The following SLC24A3 variants were observed in gnomAD, a reference collection of about 807,000 sequenced individuals.
SLC24A3 encodes the protein solute carrier family 24 member 3.
A neutral mutation model predicts 75.8 loss-of-function variants in SLC24A3; 28 were observed. The ratio of observed to expected loss-of-function variants is 0.37; its 90% CI spans 0.27 to 0.51. The LOEUF (loss-of-function observed/expected upper bound fraction) is 0.51, where lower values mean the gene tolerates loss of function less well. Among genes scored for constraint, SLC24A3 ranks in the 20% least tolerant of loss-of-function variants. SLC24A3 has a pLI of 0.94. For synonymous variants in SLC24A3, 372 were observed against 334.1 expected (o/e 1.11, Z -1.24); for missense variants, 663 against 847.8 (o/e 0.78, Z 2.71).
At chr20:19,553,424 C>A (rs997884537) in intron 3 of SLC24A3, among the ~76,000 whole-genome samples, 4 of 152,168 alleles carry the variant, frequency 2.6e-5, no homozygotes, top group Admixed American at 1.3e-4. Context: ...GTGGGATACA[C>A]TCAATTCAGA....
chr20:19,605,453 G>A lies in SLC24A3; in HGVS notation c.612+19909G>A, dbSNP rs78157496. 6.3e-3 allele frequency among the ~76,000 whole-genome samples: 957 copies of A among 152,132 alleles called. 11 individuals carry two copies. The highest frequency in any genetic ancestry group is 0.022 in the African/African-American group (913 of 41,510). The stretch of plus-strand genomic sequence containing the variant: ...TAAAATGCATCCTTGGTATTAGAAC[G>A]TAATAGCAACATATGAGTTTCTGAA... On this transcript the variant is annotated intron_variant, in intron 6 of 16. Transcript: ENST00000328041.
intron 1 of SLC24A3, among the ~76,000 whole-genome samples, chr20:19,261,389 T>C (rs958444785): frequency 6.6e-6 from 1 of 152,140 alleles, no homozygotes; most frequent in Non-Finnish European, 1.5e-5. Flanking sequence ...CAGGCTGGAG[T>C]GCAGTGGTGT....
At chr20:19,720,872 C>A in intron 16 of SLC24A3, 119 bp from the exon 17 acceptor site, 1 of 1,119,160 alleles carries the variant, frequency 8.9e-7, no homozygotes, top group Non-Finnish European at 1.3e-6. Context: ...AGAGGATCAG[C>A]ACCCTGCCCG....
At chr20:19,546,687 C>A (rs2030601815) in intron 3 of SLC24A3, among the ~76,000 whole-genome samples, 1 of 152,196 alleles carries the variant, frequency 6.6e-6, no homozygotes, top group African/African-American at 2.4e-5. Context: ...CTCTGATTCC[C>A]TGGGGCATAG....
intron 6 of SLC24A3, among the ~76,000 whole-genome samples, chr20:19,650,835 C>T (rs2032194471): frequency 6.6e-6 from 1 of 152,088 alleles, no homozygotes; most frequent in Admixed American, 6.6e-5. Flanking sequence ...TGTTTGCTTG[C>T]TTAGTTTTCT....
chr20:19,481,485 C>T (rs1174905711), intron 2 of SLC24A3, among the ~76,000 whole-genome samples: 1 of 152,158 alleles, frequency 6.6e-6, no homozygotes, highest in African/African-American at 2.4e-5. Flanking sequence ...AACAGAAATT[C>T]CATCCCATGA....
intron 2 of SLC24A3, among the ~76,000 whole-genome samples, chr20:19,347,338 A>G (rs1312097063): frequency 6.6e-6 from 1 of 152,226 alleles, no homozygotes; most frequent in East Asian, 1.9e-4. Context: ...CATAAAATGT[A>G]GAACATCAAA....
chr20:19,253,898 A>C (rs560217890), intron 1 of SLC24A3, among the ~76,000 whole-genome samples: 1 of 152,296 alleles, frequency 6.6e-6, no homozygotes, highest in South Asian at 2.1e-4. Context: ...TCTAGTGTGC[A>C]TGTTCCATGT....
chr20:19,620,448 G>A (rs1248052374), intron 6 of SLC24A3, among the ~76,000 whole-genome samples: 3 of 152,160 alleles, frequency 2.0e-5, no homozygotes, highest in Non-Finnish European at 4.4e-5. Context: ...GAGAGATTAG[G>A]CGTTATTAAG....
chr20:19,529,291 T>C (rs1202625521), intron 3 of SLC24A3, among the ~76,000 whole-genome samples: 1 of 152,174 alleles, frequency 6.6e-6, no homozygotes, highest in African/African-American at 2.4e-5. Flanking sequence ...GAAATGGAGC[T>C]ATGAGGTTTT....
chr20:19,464,403 A>C (rs562305992), intron 2 of SLC24A3, among the ~76,000 whole-genome samples: 2 of 102,490 alleles, frequency 2.0e-5, no homozygotes, highest in African/African-American at 7.3e-5. Flanking sequence ...ACACACACAC[A>C]TGCACACACA....
chr20:19,671,358 A>AT lies in SLC24A3; in HGVS notation c.714-2235dup, dbSNP rs1236207807. On this transcript the variant is annotated intron_variant, in intron 8 of 16. Coordinates refer to ENST00000328041, the MANE Select transcript of SLC24A3 (RefSeq NM_020689.4). ...ATTTGCAAGGAAAAAGGAAACTTTC[A>AT]TTTTTTTTCTTAGGCATTTTGGGAA... 2.6e-5 allele frequency among the ~76,000 whole-genome samples: 4 copies of AT among 152,170 alleles called. No individual in the cohort carries two copies. The East Asian group carries it at 7.7e-4, about 29-fold the overall frequency.
At chr20:19,685,516 T>C (rs1273975471) in intron 12 of SLC24A3, among the ~76,000 whole-genome samples, 155 bp downstream of exon 12, 3 of 152,148 alleles carry the variant, frequency 2.0e-5, no homozygotes, top group African/African-American at 7.2e-5. Flanking sequence ...CAGGACTTTG[T>C]TGTAGAAGTT....
intron 6 of SLC24A3, among the ~76,000 whole-genome samples, chr20:19,592,797 C>T (rs6112482): frequency 0.77 from 96,809 of 125,954 alleles, 38,097 homozygotes; most frequent in Non-Finnish European, 0.85. Context: ...TTCTTTCTTT[C>T]TTTTTTTTTT....
At chr20:19,317,595 C>G (rs1984614639) in intron 2 of SLC24A3, among the ~76,000 whole-genome samples, 1 of 152,198 alleles carries the variant, frequency 6.6e-6, no homozygotes, top group African/African-American at 2.4e-5. Flanking sequence ...GCTTCCCATC[C>G]CCCGCCCCAG....
At chr20:19,603,186 G>C (rs2031550500) in intron 6 of SLC24A3, among the ~76,000 whole-genome samples, 1 of 152,186 alleles carries the variant, frequency 6.6e-6, no homozygotes, top group Non-Finnish European at 1.5e-5. Context: ...GATTTGACCA[G>C]AGTTGGACCT....
At chr20:19,673,683 A>G in intron 9 of SLC24A3, 29 bp downstream of exon 9, 3 of 1,587,166 alleles carry the variant, frequency 1.9e-6, no homozygotes, top group Admixed American at 3.3e-5. Context: ...TTCTTATCCA[A>G]AACTGTTTCT....
At chr20:19,634,097 A>G (rs768810845) in intron 6 of SLC24A3, among the ~76,000 whole-genome samples, 8 of 152,168 alleles carry the variant, frequency 5.3e-5, no homozygotes, top group Admixed American at 3.9e-4. Flanking sequence ...AGGCATGGCC[A>G]TTCCTAAATA....
intron 3 of SLC24A3, among the ~76,000 whole-genome samples, chr20:19,562,382 C>T (rs3934503): frequency 0.043 from 6,475 of 152,186 alleles, 234 homozygotes; most frequent in East Asian, 0.11. Flanking sequence ...GAAGGACATA[C>T]TGAGACCAGG....
Sources: allele counts gnomAD v4.1 joint callset (sites outside exome capture counted in the v4.1 genomes callset), GRCh38; gene constraint gnomAD v4.1.1; transcripts MANE v1.5; gene names NCBI Gene and HGNC (gene_info 2026-07-23, HGNC 2026-07-21).